TXNRD1: variants seen among roughly 807,000 people sequenced by gnomAD.
The protein encoded by TXNRD1 is thioredoxin reductase 1, cytoplasmic.
In TXNRD1, 57 loss-of-function variants were observed where a neutral mutation model predicts 80.3. The observed-to-expected ratio is 0.71, with a 90% CI of 0.57 to 0.89. The LOEUF (loss-of-function observed/expected upper bound fraction) is 0.89. TXNRD1 is among the 40% of genes least tolerant of loss of function. The pLI is 0.00. For missense variants in TXNRD1, 730 were observed against 803.0 expected (o/e 0.91, Z 1.10); for synonymous variants, 291 against 285.2 (o/e 1.02, Z -0.20).
At chr12:104,313,373 A>G (rs5018287) in intron 6 of TXNRD1, 56 bp downstream of exon 6, 725,514 of 1,354,846 alleles carry the variant, frequency 0.54, 196,151 homozygotes, top group East Asian at 0.6. Context: ...TCCCCTGGCA[A>G]TAATCTAACT....
chr12:104,251,386 T>C (rs543681870), intron 1 of TXNRD1, 141 bp from the exon 2 acceptor site: 1 of 790,808 alleles, frequency 1.3e-6, no homozygotes, highest in East Asian at 2.7e-5. Flanking sequence ...TAATCTTCAT[T>C]AGAGTCCTTC....
intron 16 of TXNRD1, among the ~76,000 whole-genome samples, chr12:104,342,487 G>A (rs1171253794): frequency 6.6e-6 from 1 of 152,200 alleles, no homozygotes; most frequent in Non-Finnish European, 1.5e-5. Context: ...GGGGCAGGAT[G>A]ATTCTGGAGG....
intron 1 of TXNRD1, among the ~76,000 whole-genome samples, chr12:104,236,144 T>TA (rs1352502383): frequency 6.6e-6 from 1 of 152,202 alleles, no homozygotes; most frequent in Non-Finnish European, 1.5e-5. Flanking sequence ...GAAATACTGT[T>TA]ATCATCTTTG....
At chr12:104,267,214 T>G (rs929007920) in intron 3 of TXNRD1, among the ~76,000 whole-genome samples, 4 of 150,320 alleles carry the variant, frequency 2.7e-5, no homozygotes, top group Non-Finnish European at 5.9e-5. Context: ...GGAAGAAACC[T>G]TTATATATAG....
chr12:104,260,281 A>G (rs1054632098), intron 3 of TXNRD1, among the ~76,000 whole-genome samples: 4 of 151,962 alleles, frequency 2.6e-5, no homozygotes, highest in African/African-American at 7.3e-5. Context: ...CAGCCTGACC[A>G]GTATGGAGAA....
intron 8 of TXNRD1, among the ~76,000 whole-genome samples, 166 bp from the exon 9 acceptor site, chr12:104,319,304 A>C (rs988429001): frequency 1.3e-5 from 2 of 152,150 alleles, no homozygotes; most frequent in African/African-American, 4.8e-5. Flanking sequence ...TGTGACTTTG[A>C]GTAAGTCTGT....
At chr12:104,267,870 A>T in intron 3 of TXNRD1, among the ~76,000 whole-genome samples, 1 of 120,936 alleles carries the variant, frequency 8.3e-6, no homozygotes. Flanking sequence ...TTTTTTTGAG[A>T]CTGAGTTTTG....
At chr12:104,286,879 T>C in intron 3 of TXNRD1, 1 of 1,114,084 alleles carries the variant, frequency 9.0e-7, no homozygotes, top group Non-Finnish European at 1.1e-6. Context: ...AGCTCTCAGC[T>C]TACGAGGCAA....
At chr12:104,317,459 A>G (rs1451762915) in intron 7 of TXNRD1, among the ~76,000 whole-genome samples, 2 of 145,290 alleles carry the variant, frequency 1.4e-5, no homozygotes, top group South Asian at 4.3e-4. Context: ...TCCATGATCT[A>G]TCTGTTCTCT....
At chr12:104,231,327 G>A (rs770228470) in intron 1 of TXNRD1, among the ~76,000 whole-genome samples, 33 of 152,146 alleles carry the variant, frequency 2.2e-4, no homozygotes, top group Admixed American at 5.2e-4. Flanking sequence ...TCCTGGGGTC[G>A]ATAAGGGTCC....
rs1170883098 is a variant in TXNRD1, at chr12:104,323,476, G to A, written c.1216-1861G>A. 3.4e-5 allele frequency among the ~76,000 whole-genome samples: 5 copies of A among 144,940 alleles called. No homozygotes were observed. In the East Asian group the frequency reaches 1.1e-3, roughly 30 times the overall value. On this transcript the variant is annotated intron_variant, in intron 10 of 16. Coordinates refer to ENST00000525566, the MANE Select transcript of TXNRD1 (RefSeq NM_001093771.3). Reference sequence around the variant, plus strand: ...GGGCTCCTCACTTCCCAGTAGGGGCGGCCGGGCAGAGGCGCCCCTCACCTC... The same window carrying A: ...GGGCTCCTCACTTCCCAGTAGGGGCAGCCGGGCAGAGGCGCCCCTCACCTC...
chr12:104,307,744 C>G (rs960228637), intron 4 of TXNRD1, among the ~76,000 whole-genome samples: 9 of 152,164 alleles, frequency 5.9e-5, no homozygotes, highest in Admixed American at 5.9e-4. Context: ...GAATTGCTTT[C>G]TGTTTTGTGC....
chr12:104,224,187 A>G (rs2032418708), intron 1 of TXNRD1, among the ~76,000 whole-genome samples: 1 of 152,086 alleles, frequency 6.6e-6, no homozygotes, highest in Non-Finnish European at 1.5e-5. Context: ...TTTACCTAAA[A>G]TATCCTTCCT....
chr12:104,311,419 C>A lies in TXNRD1; in HGVS notation c.537+7C>A. On this transcript the variant is annotated splice_region_variant and intron_variant, in intron 5 of 16. Transcript: ENST00000525566. ...AGGTCTGGCAGCTGCTAAGGCAAGG[C>A]TCCTTGTGTTGTCTGTTGTCTGTTG... 6.2e-7 allele frequency: 1 copy of A among 1,612,210 alleles called. No homozygotes were observed. Among genetic ancestry groups the A allele is most frequent in the Non-Finnish European group, 8.5e-7 (1 of 1,179,104 alleles).
At chr12:104,333,653 C>G (rs1320009829) in intron 14 of TXNRD1, among the ~76,000 whole-genome samples, 1 of 152,120 alleles carries the variant, frequency 6.6e-6, no homozygotes, top group Admixed American at 6.6e-5. Flanking sequence ...AAAAAAAAAT[C>G]CATTTAGTCA....
chr12:104,226,152 A>T (rs1260166251), intron 1 of TXNRD1, among the ~76,000 whole-genome samples: 1 of 152,130 alleles, frequency 6.6e-6, no homozygotes, highest in African/African-American at 2.4e-5. Context: ...GTGAACCAAG[A>T]TGGCACCATT....
At chr12:104,345,062 A>G (rs768188677) in intron 16 of TXNRD1, among the ~76,000 whole-genome samples, 1 of 152,214 alleles carries the variant, frequency 6.6e-6, no homozygotes, top group African/African-American at 2.4e-5. Context: ...TGGTCCACAG[A>G]ATGTTTGTTA....
chr12:104,311,496 C>T (rs2135806347), intron 5 of TXNRD1, 84 bp downstream of exon 5: 2 of 1,509,000 alleles, frequency 1.3e-6, no homozygotes, highest in Non-Finnish European at 8.9e-7. Flanking sequence ...TCTCCTCTCT[C>T]TGTGGAATTT....
chr12:104,288,903 C>G, intron 3 of TXNRD1, 28 bp from the exon 4 acceptor site: 1 of 1,613,986 alleles, frequency 6.2e-7, no homozygotes, highest in South Asian at 1.1e-5. Context: ...GCACCTTACA[C>G]GCTCCGCTCT....
Sources: gnomAD v4.1 joint callset for allele counts (sites outside exome capture counted in the v4.1 genomes callset) on GRCh38, gnomAD v4.1.1 for gene constraint, MANE v1.5 for transcripts, NCBI Gene and HGNC (gene_info 2026-07-23, HGNC 2026-07-21) for gene names.